SEC13: variants seen among roughly 807,000 people sequenced by gnomAD.
The protein encoded by SEC13 is protein SEC13 homolog.
A neutral mutation model predicts 49.2 loss-of-function variants in SEC13; 25 were observed. That is an observed-to-expected ratio of 0.51 (90% CI 0.37 to 0.71). The LOEUF is 0.71. SEC13 is among the 30% of genes least tolerant of loss of function. The pLI is 0.00. For synonymous variants in SEC13, 148 were observed against 163.9 expected, an observed-to-expected ratio of 0.90 and a Z score of 0.74; for missense variants, 383 against 417.6, an observed-to-expected ratio of 0.92 and a Z score of 0.72.
intron 5 of SEC13, among the ~76,000 whole-genome samples, chr3:10,310,989 A>G (rs762271677): frequency 3.3e-5 from 5 of 152,090 alleles, no homozygotes; most frequent in South Asian, 2.1e-4. Flanking sequence ...TCTATGTACA[A>G]CTGATCCTCA....
chr3:10,305,478 T>C, intron 6 of SEC13, 81 bp downstream of exon 6: 11 of 1,521,926 alleles, frequency 7.2e-6, no homozygotes, highest in Non-Finnish European at 9.9e-6. Context: ...CCTTGTTTCT[T>C]GTGAGTGTGG....
At chr3:10,307,079 G>T (rs1043800369) in intron 5 of SEC13, among the ~76,000 whole-genome samples, 1 of 151,932 alleles carries the variant, frequency 6.6e-6, no homozygotes, top group African/African-American at 2.4e-5. Context: ...ATTGAGACAG[G>T]GTCTCACTGT....
chr3:10,300,983 A>G lies in SEC13; in HGVS notation c.*278T>C. 1 of 1,182,966 alleles carries G rather than the reference A, an allele frequency of 8.5e-7. No individual in the cohort carries two copies. 73.3% of individuals were successfully genotyped at this position (1,182,966 alleles called of 1,614,324 possible). A position where few individuals can be genotyped will look rare whatever the true frequency, so the allele number is the denominator to read the frequency against. The stretch of plus-strand genomic sequence containing the variant: ...CCTTTGGAAACAAAACCCCCCAAAT[A>G]ATGCCTGAACCCAAAGGTACATAAA... On this transcript the variant is annotated 3_prime_UTR_variant, in exon 9 of 9. Coordinates refer to ENST00000350697, the MANE Select transcript of SEC13 (RefSeq NM_183352.3).
At chr3:10,313,479 G>A (rs766965641) in intron 3 of SEC13, 2 of 526,054 alleles carry the variant, frequency 3.8e-6, no homozygotes, top group African/African-American at 1.9e-5. Context: ...CATAAAGTTT[G>A]GAACAATGCT....
intron 2 of SEC13, among the ~76,000 whole-genome samples, chr3:10,316,427 G>T (rs184649962): frequency 1.3e-5 from 2 of 152,180 alleles, no homozygotes; most frequent in East Asian, 3.9e-4. Flanking sequence ...TTTTCTTTGG[G>T]AACTCCCTCC....
At position 10,312,218 on chromosome 3, in the gene SEC13, G is replaced by C. The variant is rs1701317157; in HGVS notation, c.317-120C>G. On this transcript the variant is annotated intron_variant, in intron 4 of 8. Transcript: ENST00000350697. ...ACAAACAACTGTAGGAGTCACCGGG[G>C]GAAGCTGTAACTTGGTCAACTGAGG... 11 of 1,439,470 alleles carry C rather than the reference G, an allele frequency of 7.6e-6. No homozygotes were observed. The South Asian group carries it at 1.2e-4, about 16-fold the overall frequency. 89.2% of individuals were successfully genotyped at this position (1,439,470 alleles called of 1,614,324 possible).
At chr3:10,310,324 C>A (rs1701172336) in intron 5 of SEC13, among the ~76,000 whole-genome samples, 1 of 152,158 alleles carries the variant, frequency 6.6e-6, no homozygotes, top group South Asian at 2.1e-4. Context: ...AACCCTGTCT[C>A]TACTACAAAT....
At chr3:10,311,733 A>T (rs1701269065) in intron 5 of SEC13, 4 of 1,386,578 alleles carry the variant, frequency 2.9e-6, no homozygotes, top group African/African-American at 2.9e-5. Context: ...CTGCTGCACC[A>T]GCCCTCCCCT....
chr3:10,306,207 A>C (rs1326864689), intron 5 of SEC13, among the ~76,000 whole-genome samples: 2 of 152,106 alleles, frequency 1.3e-5, no homozygotes, highest in East Asian at 3.9e-4. Flanking sequence ...GATGTTTTTT[A>C]CATCTCCTAC....
rs1574863051 is a variant in SEC13, at chr3:10,304,190, A to C, written c.709-18T>G. 4.3e-6 allele frequency: 7 copies of C among 1,613,140 alleles called. No individual in the cohort carries two copies. Among genetic ancestry groups the C allele is most frequent in the Non-Finnish European group, 5.9e-6 (7 of 1,179,436 alleles). ...CGACCATCCTAGGAAGAAACAGGAT[A>C]GAGTCAGGAGGTGGAGTCAAGACTC... On this transcript the variant is annotated intron_variant, in intron 7 of 8. Transcript: ENST00000350697.
At chr3:10,320,728 C>T (rs956765497) in intron 1 of SEC13, 1 of 1,206,436 alleles carries the variant, frequency 8.3e-7, no homozygotes, top group Non-Finnish European at 1.0e-6. Flanking sequence ...AGATTACGAA[C>T]AATGCTGAGG....
chr3:10,311,866 T>C (rs35670), intron 5 of SEC13, 99 bp downstream of exon 5: 343,830 of 1,608,206 alleles, frequency 0.21, 39,030 homozygotes, highest in Middle Eastern at 0.27. Flanking sequence ...CGGCCCACTG[T>C]CCAGCGGGGA....
rs761571481 is a variant in SEC13 at position 10,312,294 on chromosome 3, T to A, written c.317-196A>T. Among the ~76,000 whole-genome samples the A allele has an allele frequency of 9.0e-4, 137 of 152,212 alleles. 2 individuals carry two copies. Among genetic ancestry groups the A allele is most frequent in the Middle Eastern group, 6.8e-3 (2 of 294 alleles). ...AATACCACGATTTCATAACCTACAG[T>A]CTATCTAACAAAAAAGTGGGTAGGA... On this transcript the variant is annotated intron_variant, in intron 4 of 8. Coordinates refer to ENST00000350697, the MANE Select transcript of SEC13 (RefSeq NM_183352.3).
In SEC13 at chr3:10,301,183, C is replaced by G. The variant is rs952510475; in HGVS notation, c.*78G>C. The G allele has an allele frequency of 2.5e-6, 4 of 1,613,848 alleles. No individual in the cohort carries two copies. The African/African-American group carries it at 5.3e-5, about 22-fold the overall frequency. ...AATCCTGTTGGAGTTGGGGGCTCTTCCCAGTTGTCTGGTTAGTTGGCCCAG... is the reference window on the plus strand; with the variant it reads ...AATCCTGTTGGAGTTGGGGGCTCTTGCCAGTTGTCTGGTTAGTTGGCCCAG... On this transcript the variant is annotated 3_prime_UTR_variant, in exon 9 of 9. Transcript: ENST00000350697.
chr3:10,318,086 T>G lies in SEC13; in HGVS notation c.12A>C (p.Val4=). 1 of 1,600,948 alleles carries G rather than the reference T, an allele frequency of 6.2e-7. No individual in the cohort carries two copies. Among genetic ancestry groups the G allele is most frequent in the East Asian group, 2.2e-5 (1 of 44,796 alleles). The change falls in exon 2 of 9, where the codon GTA becomes GTC. Residue 4 remains valine, a synonymous_variant. Transcript: ENST00000350697. ...CATGGGAGGTATCCACAGTGTTAAT[T>G]ACTGACACCTAGAACCAAAGATATC... MVS[V]INTVDTSHED...
intron 4 of SEC13, among the ~76,000 whole-genome samples, 157 bp from the exon 5 acceptor site, chr3:10,312,255 C>A (rs1701320065): frequency 6.6e-6 from 1 of 152,068 alleles, no homozygotes; most frequent in African/African-American, 2.4e-5. Flanking sequence ...CACAAAAAAA[C>A]CCCATCACCT....
intron 1 of SEC13, chr3:10,319,297 A>T: frequency 1.3e-6 from 2 of 1,593,536 alleles, no homozygotes; most frequent in Non-Finnish European, 1.7e-6. Context: ...TAGACTCTCT[A>T]AAAACCAGGT....
chr3:10,313,509 A>C, intron 3 of SEC13: 1 of 509,756 alleles, frequency 2.0e-6, no homozygotes. Flanking sequence ...GAAAGAAAAA[A>C]GCCACTCAAT....
intron 7 of SEC13, among the ~76,000 whole-genome samples, chr3:10,304,680 G>C (rs1341161365): frequency 6.6e-6 from 1 of 152,194 alleles, no homozygotes; most frequent in East Asian, 1.9e-4. Context: ...GGGTGGCTTG[G>C]TAGCTAAGCG....
Sources: allele counts gnomAD v4.1 joint callset (sites outside exome capture counted in the v4.1 genomes callset), GRCh38; gene constraint gnomAD v4.1.1; transcripts MANE v1.5; gene names NCBI Gene and HGNC (gene_info 2026-07-23, HGNC 2026-07-21).